Variants in SGK1 observed in about 807,000 individuals in gnomAD.
SGK1 encodes the protein serum/glucocorticoid regulated kinase 1, also known as serine/threonine-protein kinase Sgk1.
In SGK1, 26 loss-of-function variants were observed where a neutral mutation model predicts 64.2. The ratio of observed to expected loss-of-function variants is 0.40; its 90% CI spans 0.30 to 0.56. The LOEUF is 0.56. Ranked by LOEUF, SGK1 falls within the 20% of genes least tolerant of loss-of-function variation. SGK1 has a pLI of 0.38. For synonymous variants in SGK1, 265 were observed against 239.7 expected, an observed-to-expected ratio of 1.11 and a Z score of -0.98; for missense variants, 519 against 645.6, an observed-to-expected ratio of 0.80 and a Z score of 2.12.
At chr6:134,270,544 A>T (rs1313826943) in intron 1 of SGK1, among the ~76,000 whole-genome samples, 1 of 148,342 alleles carries the variant, frequency 6.7e-6, no homozygotes, top group African/African-American at 2.4e-5. Flanking sequence ...AACACGCAAG[A>T]CCTATCCTGG....
chr6:134,268,691 C>G lies in SGK1; in HGVS notation c.70-6543G>C, dbSNP rs1186913167. Reference sequence around the variant, plus strand: ...TGAGCTGAGATCGCGCCACTGCACTCCAGCCTGGGCGACAGAGCGAGACTC... The same window carrying G: ...TGAGCTGAGATCGCGCCACTGCACTGCAGCCTGGGCGACAGAGCGAGACTC... On this transcript the variant is annotated intron_variant, in intron 1 of 13. Transcript: ENST00000367858. 5.1e-5 allele frequency among the ~76,000 whole-genome samples: 7 copies of G among 138,502 alleles called. 1 individual carries two copies. Among genetic ancestry groups the G allele is most frequent in the Non-Finnish European group, 7.8e-5 (5 of 63,942 alleles). The allele number at this position is 138,502 out of a possible 152,430, so 90.9% of individuals were successfully genotyped here. A position where few individuals can be genotyped will look rare whatever the true frequency, so the allele number is the denominator to read the frequency against.
At chr6:134,216,820 G>A (rs1319277814) in intron 2 of SGK1, among the ~76,000 whole-genome samples, 1 of 152,190 alleles carries the variant, frequency 6.6e-6, no homozygotes, top group Non-Finnish European at 1.5e-5. Flanking sequence ...AAAAACACTG[G>A]CACCATTTGG....
chr6:134,178,057 A>G (rs116203986), intron 3 of SGK1, among the ~76,000 whole-genome samples: 1,828 of 152,274 alleles, frequency 0.012, 33 homozygotes, highest in African/African-American at 0.04. Flanking sequence ...AGTCCGGAAA[A>G]AATTCAAAAC....
At chr6:134,196,904 G>T (rs941043118) in intron 3 of SGK1, among the ~76,000 whole-genome samples, 3 of 152,084 alleles carry the variant, frequency 2.0e-5, no homozygotes, top group Non-Finnish European at 4.4e-5. Flanking sequence ...ACATTTGATT[G>T]TGCATATACC....
At chr6:134,233,751 T>C (rs889434422) in intron 2 of SGK1, among the ~76,000 whole-genome samples, 2 of 151,094 alleles carry the variant, frequency 1.3e-5, no homozygotes, top group African/African-American at 4.8e-5. Context: ...TCTAAATTTA[T>C]TCCTAATCAC....
intron 2 of SGK1, among the ~76,000 whole-genome samples, chr6:134,241,048 CTTTTTT>C (rs10686058): frequency 0.19 from 13,989 of 73,860 alleles, 732 homozygotes; most frequent in Non-Finnish European, 0.24. Flanking sequence ...TTCTTTTTTT[CTTTTTT>C]TTTTTTTTTT....
At chr6:134,278,453 G>C (rs565976206) in intron 1 of SGK1, among the ~76,000 whole-genome samples, 138 of 152,286 alleles carry the variant, frequency 9.1e-4, no homozygotes, top group African/African-American at 3.1e-3. Context: ...CATCCAAACT[G>C]GGGTCTTATT....
At chr6:134,254,695 A>C (rs1330218832) in intron 2 of SGK1, among the ~76,000 whole-genome samples, 2 of 152,132 alleles carry the variant, frequency 1.3e-5, no homozygotes, top group Non-Finnish European at 2.9e-5. Context: ...ACGTCTTTTA[A>C]TTTACATTTA....
rs949356453 is a variant in SGK1, at chr6:134,170,029, C to A, written c.*239G>T. 4 of 323,996 alleles carry A rather than the reference C, an allele frequency of 1.2e-5. No individual in the cohort carries two copies. The highest frequency in any genetic ancestry group is 2.3e-5 in the Non-Finnish European group (4 of 174,780). 20.1% of individuals were successfully genotyped at this position (323,996 alleles called of 1,614,324 possible). A position where few individuals can be genotyped will look rare whatever the true frequency, so the allele number is the denominator to read the frequency against. On this transcript the variant is annotated 3_prime_UTR_variant, in exon 14 of 14. Transcript: ENST00000367858. ...CCGTCTAAGGCGGCACTCTAACGCT[C>A]GTTTCAGAGATAGCACCACGTTGGA...
intron 2 of SGK1, among the ~76,000 whole-genome samples, chr6:134,233,360 C>T (rs1261299306): frequency 1.6e-4 from 24 of 152,124 alleles, no homozygotes; most frequent in Non-Finnish European, 7.3e-5. Context: ...GTTCATGTTG[C>T]GTCACTGGGT....
chr6:134,305,819 G>A (rs1777527044), intron 1 of SGK1, among the ~76,000 whole-genome samples: 1 of 151,892 alleles, frequency 6.6e-6, no homozygotes, highest in African/African-American at 2.4e-5. Flanking sequence ...GCACATGATG[G>A]AACTTTAACA....
intron 2 of SGK1, among the ~76,000 whole-genome samples, chr6:134,224,535 A>C (rs984171103): frequency 5.3e-5 from 8 of 151,946 alleles, no homozygotes; most frequent in Non-Finnish European, 1.0e-4. Context: ...CAGCATTTCC[A>C]TGTGTTTTCT....
At chr6:134,310,624 G>A (rs1777595570) in intron 1 of SGK1, among the ~76,000 whole-genome samples, 2 of 152,302 alleles carry the variant, frequency 1.3e-5, no homozygotes, top group Middle Eastern at 6.8e-3. Flanking sequence ...GTCTCACTGT[G>A]TTATCCAGCC....
At chr6:134,240,861 T>C (rs1218718778) in intron 2 of SGK1, among the ~76,000 whole-genome samples, 4 of 152,150 alleles carry the variant, frequency 2.6e-5, no homozygotes, top group Admixed American at 2.6e-4. Flanking sequence ...GTGGGTGTGG[T>C]TGAGCAAAGT....
chr6:134,227,822 A>G (rs1358787615), intron 2 of SGK1, among the ~76,000 whole-genome samples: 1 of 152,162 alleles, frequency 6.6e-6, no homozygotes, highest in Non-Finnish European at 1.5e-5. Flanking sequence ...ACTAAAACAC[A>G]TATAGTAAAT....
intron 1 of SGK1, among the ~76,000 whole-genome samples, chr6:134,299,833 G>A (rs75643529): frequency 6.7e-6 from 1 of 148,492 alleles, no homozygotes; most frequent in East Asian, 2.0e-4. Flanking sequence ...TGAGTTTGGA[G>A]GAGTCGGATA....
At chr6:134,178,636 T>A (rs911863701) in intron 3 of SGK1, among the ~76,000 whole-genome samples, 2 of 152,210 alleles carry the variant, frequency 1.3e-5, no homozygotes, top group African/African-American at 4.8e-5. Context: ...CCGAACTGTT[T>A]GTAAATGCAA....
chr6:134,218,783 A>G (rs1483478048), intron 2 of SGK1: 1 of 152,164 alleles, frequency 6.6e-6, no homozygotes, highest in Non-Finnish European at 1.5e-5. Context: ...CTATGGAGGC[A>G]ATAAGTACGG....
intron 2 of SGK1, among the ~76,000 whole-genome samples, chr6:134,245,699 A>G (rs1776515499): frequency 1.3e-5 from 2 of 152,200 alleles, no homozygotes; most frequent in African/African-American, 4.8e-5. Context: ...TACAAAAAAT[A>G]TTTAAAAATG....
Sources: gnomAD v4.1 joint callset for allele counts (sites outside exome capture counted in the v4.1 genomes callset) on GRCh38, gnomAD v4.1.1 for gene constraint, MANE v1.5 for transcripts, NCBI Gene and HGNC (gene_info 2026-07-23, HGNC 2026-07-21) for gene names.